ERAP1: variants seen among roughly 807,000 people sequenced by gnomAD.
The protein encoded by ERAP1 is adipocyte-derived leucine aminopeptidase.
Under a neutral mutation model 103.7 loss-of-function variants are expected in ERAP1, and 86 were observed. The observed-to-expected ratio is 0.83, with a 90% CI of 0.70 to 0.99. The LOEUF is 0.99. Ranked by LOEUF, ERAP1 falls within the 50% of genes least tolerant of loss-of-function variation. The pLI, the probability that ERAP1 is intolerant of heterozygous loss-of-function variation, is 0.00. For synonymous variants in ERAP1, 398 were observed against 402.4 expected, an observed-to-expected ratio of 0.99 and a Z score of 0.13; for missense variants, 1,009 against 1,128.4, an observed-to-expected ratio of 0.89 and a Z score of 1.52.
At chr5:96,795,199 T>G (rs1777215055) in intron 4 of ERAP1, 37 bp from the exon 5 acceptor site, 1 of 1,610,022 alleles carries the variant, frequency 6.2e-7, no homozygotes, top group Non-Finnish European at 8.5e-7. Context: ...TCAAATATCT[T>G]AACTGGCTTC....
chr5:96,878,524 A>C, the ERAP1 span, among the ~76,000 whole-genome samples: 1 of 152,314 alleles, frequency 6.6e-6, no homozygotes, highest in Non-Finnish European at 1.5e-5. Flanking sequence ...ACTTAAAATT[A>C]CATGTGTGCC....
chr5:96,803,325 A>C, intron 2 of ERAP1, 78 bp downstream of exon 2: 1 of 1,453,832 alleles, frequency 6.9e-7, no homozygotes, highest in East Asian at 2.3e-5. Flanking sequence ...AGGGAATTTT[A>C]AAAGACAATC....
At chr5:96,828,334 G>T in the ERAP1 span, among the ~76,000 whole-genome samples, 4 of 151,980 alleles carry the variant, frequency 2.6e-5, no homozygotes, top group Non-Finnish European at 5.9e-5. Context: ...GAATTACTAA[G>T]AATATAAAAG....
the ERAP1 span, among the ~76,000 whole-genome samples, chr5:96,906,236 T>C: frequency 1.6e-4 from 25 of 151,778 alleles, no homozygotes; most frequent in African/African-American, 6.0e-4. Context: ...CCTCCTCCTC[T>C]TCCTCTTCCT....
At chr5:96,905,101 A>G in the ERAP1 span, among the ~76,000 whole-genome samples, 2 of 152,206 alleles carry the variant, frequency 1.3e-5, no homozygotes, top group Admixed American at 6.5e-5. Flanking sequence ...TAAGTGCAGT[A>G]CTTACTCAAT....
the ERAP1 span, among the ~76,000 whole-genome samples, chr5:96,860,235 G>T: frequency 2.0e-4 from 30 of 151,996 alleles, no homozygotes; most frequent in African/African-American, 6.0e-4. Context: ...TGTATTTTTG[G>T]TACAGACGGA....
chr5:96,880,297 A>G, the ERAP1 span: 2 of 1,547,014 alleles, frequency 1.3e-6, no homozygotes, highest in Middle Eastern at 2.0e-4. Context: ...TTCTTTTGTG[A>G]TAATTTCCTT....
At chr5:96,895,463 G>A in the ERAP1 span, 5 of 835,892 alleles carry the variant, frequency 6.0e-6, no homozygotes, top group Non-Finnish European at 9.7e-6. Context: ...ATAATGTTGT[G>A]GTTTTTGAAC....
intron 19 of ERAP1, among the ~76,000 whole-genome samples, chr5:96,763,772 G>A (rs1342847762): frequency 6.6e-6 from 1 of 152,142 alleles, no homozygotes; most frequent in Non-Finnish European, 1.5e-5. Flanking sequence ...GAAAGCATTT[G>A]AAGACATGAT....
At chr5:96,790,746 T>C in intron 8 of ERAP1, 103 bp from the exon 9 acceptor site, 1 of 1,068,872 alleles carries the variant, frequency 9.4e-7, no homozygotes, top group East Asian at 2.4e-5. Flanking sequence ...AAAACGCAAC[T>C]GCAGGAACAC....
chr5:96,876,967 T>A, the ERAP1 span, among the ~76,000 whole-genome samples: 3 of 152,118 alleles, frequency 2.0e-5, no homozygotes, highest in Non-Finnish European at 4.4e-5. Flanking sequence ...TAATTTAATT[T>A]ATGTATTTAT....
upstream of ERAP1, among the ~76,000 whole-genome samples, chr5:96,809,723 T>G (rs1024344891): frequency 1.3e-5 from 2 of 152,176 alleles, no homozygotes; most frequent in African/African-American, 4.8e-5. Flanking sequence ...GAGGTATCAA[T>G]GGATAGCGTG....
rs1050907835 is a variant in ERAP1 at position 96,774,599 on chromosome 5, G to C, written c.*1797C>G. Reference sequence around the variant, plus strand: ...AAAGCAAACAAAGATAGGTTCCTCAGGTGACCAAAACTGAAAATCAATATT... The same window carrying C: ...AAAGCAAACAAAGATAGGTTCCTCACGTGACCAAAACTGAAAATCAATATT... On this transcript the variant is annotated 3_prime_UTR_variant, in exon 19 of 19. Transcript: ENST00000443439. The C allele has an allele frequency of 4.1e-6, 4 of 985,342 alleles. No homozygotes were observed. The African/African-American group carries it at 7.0e-5, about 17-fold the overall frequency. 61.0% of individuals were successfully genotyped at this position (985,342 alleles called of 1,614,324 possible). A position where few individuals can be genotyped will look rare whatever the true frequency, so the allele number is the denominator to read the frequency against.
the ERAP1 span, among the ~76,000 whole-genome samples, chr5:96,816,850 C>T: frequency 6.6e-6 from 1 of 152,298 alleles, no homozygotes; most frequent in Admixed American, 6.5e-5. Context: ...TTTTACTCTG[C>T]CCTACTCACC....
At chr5:96,763,394 A>G (rs979336163) in intron 19 of ERAP1, among the ~76,000 whole-genome samples, 2 of 152,236 alleles carry the variant, frequency 1.3e-5, no homozygotes, top group African/African-American at 4.8e-5. Context: ...AAACACACCC[A>G]CAATGAAGAA....
the ERAP1 span, among the ~76,000 whole-genome samples, chr5:96,888,764 TC>T: frequency 1.3e-5 from 2 of 152,250 alleles, no homozygotes; most frequent in African/African-American, 4.8e-5. Context: ...TCCAATAAGT[TC>T]TTCATGGCTT....
chr5:96,827,965 T>C, the ERAP1 span, among the ~76,000 whole-genome samples: 2 of 152,360 alleles, frequency 1.3e-5, no homozygotes, highest in South Asian at 4.1e-4. Flanking sequence ...TTCATTATTA[T>C]TTTCCAAATA....
the ERAP1 span, among the ~76,000 whole-genome samples, chr5:96,852,460 A>G: frequency 6.6e-6 from 1 of 152,208 alleles, no homozygotes; most frequent in African/African-American, 2.4e-5. Flanking sequence ...CAATTTTTAC[A>G]CATCTAGGTT....
the ERAP1 span, among the ~76,000 whole-genome samples, chr5:96,840,827 T>C: frequency 1.3e-5 from 2 of 151,990 alleles, no homozygotes; most frequent in African/African-American, 4.8e-5. Context: ...TGCCTCAGCC[T>C]CCCAACTGGC....
Sources: gnomAD v4.1 joint callset for allele counts (sites outside exome capture counted in the v4.1 genomes callset) on GRCh38, gnomAD v4.1.1 for gene constraint, MANE v1.5 for transcripts, NCBI Gene and HGNC (gene_info 2026-07-23, HGNC 2026-07-21) for gene names.